Variants in EIF2AK2 observed in about 807,000 individuals in gnomAD.
EIF2AK2 encodes interferon-induced, double-stranded RNA-activated protein kinase.
A neutral mutation model predicts 70.5 loss-of-function variants in EIF2AK2; 40 were observed. The observed-to-expected ratio is 0.57, with a 90% CI of 0.44 to 0.74. The LOEUF is 0.74. Ranked by LOEUF, EIF2AK2 falls within the 30% of genes least tolerant of loss-of-function variation. The pLI, the probability that EIF2AK2 is intolerant of heterozygous loss-of-function variation, is 0.00. For synonymous variants in EIF2AK2, 198 were observed against 220.9 expected (o/e 0.90, Z 0.92); for missense variants, 555 against 644.3 (o/e 0.86, Z 1.50).
chr2:37,155,896 G>GTGC (rs780684673), intron 1 of EIF2AK2, among the ~76,000 whole-genome samples: 10 of 149,186 alleles, frequency 6.7e-5, no homozygotes, highest in Non-Finnish European at 1.0e-4. Flanking sequence ...AGCCCAGATC[G>GTGC]TGCCACTGCA....
Position 37,114,771 on chromosome 2 carries a change from G to A in EIF2AK2, c.1337C>T (p.Thr446Ile), listed in dbSNP as rs1474343134. The change falls in exon 14 of 17, where the codon ACA becomes ATA. Residue 446 changes from threonine to isoleucine, a missense_variant. By Grantham distance (89) the Thr-to-Ile change is moderately conservative. Around this residue, in one of 3 missense-constraint regions of EIF2AK2, gnomAD observed 299 missense variants for 375.4 expected, o/e 0.80. Transcript: ENST00000233057. ...GTATCGCAAAGTTCCCTTACTCCTT[G>A]TTCGCTTTCCATCATTTTTCAGAGA... ...VTSLKNDGKR[T>I]RSKGTLRYMS... The A allele has an allele frequency of 6.2e-7, 1 of 1,603,428 alleles. No individual in the cohort carries two copies. Among genetic ancestry groups the A allele is most frequent in the Non-Finnish European group, 8.5e-7 (1 of 1,175,184 alleles).
intron 4 of EIF2AK2, among the ~76,000 whole-genome samples, chr2:37,144,403 G>T (rs1243717985): frequency 6.6e-6 from 1 of 150,984 alleles, no homozygotes; most frequent in Non-Finnish European, 1.5e-5. Flanking sequence ...CCTCAGGCAG[G>T]TCCTTCGGTA....
intron 1 of EIF2AK2, among the ~76,000 whole-genome samples, chr2:37,153,396 A>G (rs920539663): frequency 3.0e-5 from 4 of 135,230 alleles, no homozygotes; most frequent in African/African-American, 1.1e-4. Flanking sequence ...GCTGGAGTGC[A>G]GTGGTGTGAT....
intron 9 of EIF2AK2, among the ~76,000 whole-genome samples, chr2:37,136,353 A>G (rs935911971): frequency 4.6e-5 from 7 of 152,168 alleles, no homozygotes; most frequent in African/African-American, 1.7e-4. Context: ...CCCTCAAGTC[A>G]TGTCCACTCT....
At chr2:37,140,982 A>C (rs561501543) in intron 5 of EIF2AK2, among the ~76,000 whole-genome samples, 13 of 152,114 alleles carry the variant, frequency 8.5e-5, no homozygotes, top group Non-Finnish European at 1.5e-4. Context: ...CTATTTCCAC[A>C]CATCTTAGCT....
intron 11 of EIF2AK2, among the ~76,000 whole-genome samples, chr2:37,124,824 C>T (rs959481376): frequency 6.6e-6 from 1 of 151,160 alleles, no homozygotes; most frequent in African/African-American, 2.4e-5. Flanking sequence ...ACCTACTGGG[C>T]TCAAATGGTC....
At chr2:37,137,153 G>A (rs1675156988) in intron 8 of EIF2AK2, 136 bp from the exon 9 acceptor site, 2 of 613,830 alleles carry the variant, frequency 3.3e-6, no homozygotes, top group East Asian at 3.2e-5. Flanking sequence ...CTCTCATCAA[G>A]CCCTGTATCA....
At chr2:37,131,589 T>A (rs1674940543) in intron 10 of EIF2AK2, among the ~76,000 whole-genome samples, 1 of 152,202 alleles carries the variant, frequency 6.6e-6, no homozygotes, top group Admixed American at 6.5e-5. Context: ...TACTCTTTTA[T>A]CTTCAACACT....
intron 12 of EIF2AK2, 42 bp from the exon 13 acceptor site, chr2:37,120,181 A>T: frequency 8.5e-7 from 1 of 1,181,084 alleles, no homozygotes; most frequent in Non-Finnish European, 1.1e-6. Context: ...AACAATAAAT[A>T]TAAATTTATA....
chr2:37,123,254 AT>A (rs1674618286), intron 11 of EIF2AK2, among the ~76,000 whole-genome samples: 1 of 152,040 alleles, frequency 6.6e-6, no homozygotes, highest in Non-Finnish European at 1.5e-5. Flanking sequence ...AATGCCAGTG[AT>A]GTCATTTTAA....
intron 15 of EIF2AK2, among the ~76,000 whole-genome samples, chr2:37,108,197 G>A (rs1674028548): frequency 6.7e-6 from 1 of 149,726 alleles, no homozygotes; most frequent in South Asian, 2.1e-4. Context: ...TGCCTTTAGT[G>A]ACTCCCCACT....
rs777019137 is a variant in EIF2AK2, at chr2:37,138,552, T to C, written c.550A>G (p.Thr184Ala). Residue 184 changes from threonine (T) to alanine (A), a missense_variant, in exon 7 of 17, where the codon ACT becomes GCT. This residue lies in a region of EIF2AK2 where 208 missense variants were observed against 191.8 expected (regional missense o/e 1.08). Coordinates refer to ENST00000233057, the MANE Select transcript of EIF2AK2 (RefSeq NM_001135651.3). The part of the protein sequence containing the change: ...SDYLSSGSFA[T>A]TCESQSNSLV... ...GAGTTGCTTTGGGACTCACACGTAG[T>C]AGCAAAAGAACCAGAGGACAGGTAG... The C allele has an allele frequency of 1.2e-6, 2 of 1,614,156 alleles. No individual in the cohort carries two copies. The highest frequency in any genetic ancestry group is 1.7e-5 in the Admixed American group (1 of 60,032).
intron 1 of EIF2AK2, among the ~76,000 whole-genome samples, chr2:37,155,404 CCAGGACTTGT>C: frequency 6.6e-6 from 1 of 152,310 alleles, no homozygotes; most frequent in South Asian, 2.1e-4. Context: ...GATACCCCAT[CCAGGACTTGT>C]CACCTGCTTT....
intron 6 of EIF2AK2, among the ~76,000 whole-genome samples, chr2:37,138,814 C>T (rs573131083): frequency 2.6e-5 from 4 of 151,946 alleles, no homozygotes; most frequent in African/African-American, 7.3e-5. Context: ...TCTTTCTTTT[C>T]AGACAGGATC....
rs141215244 is a variant in EIF2AK2 at position 37,119,670 on chromosome 2, C to T, written c.1248+289G>A. On this transcript the variant is annotated intron_variant, in intron 13 of 16. Coordinates refer to ENST00000233057, the MANE Select transcript of EIF2AK2 (RefSeq NM_001135651.3). ...GCAGTGGCACAATCTTGGCTCACTGCAACCTCCACCTCCCAGGTTCAAGCG... is the reference window on the plus strand; with the variant it reads ...GCAGTGGCACAATCTTGGCTCACTGTAACCTCCACCTCCCAGGTTCAAGCG... Among the ~76,000 whole-genome samples the T allele has an allele frequency of 2.6e-3, 389 of 151,508 alleles. 3 individuals carry two copies. The highest frequency in any genetic ancestry group is 0.02 in the Admixed American group (310 of 15,236).
chr2:37,135,918 C>A (rs1470425570), intron 9 of EIF2AK2, among the ~76,000 whole-genome samples: 1 of 152,250 alleles, frequency 6.6e-6, no homozygotes, highest in Non-Finnish European at 1.5e-5. Flanking sequence ...CAGGCGCAAG[C>A]CACAGCACCC....
intron 1 of EIF2AK2, among the ~76,000 whole-genome samples, chr2:37,156,296 G>T (rs1675921713): frequency 6.6e-6 from 1 of 152,174 alleles, no homozygotes; most frequent in African/African-American, 2.4e-5. Flanking sequence ...ATGTTTATAG[G>T]ATTCTGATGA....
intron 15 of EIF2AK2, 85 bp downstream of exon 15, chr2:37,109,109 G>T: frequency 1.7e-6 from 2 of 1,189,980 alleles, no homozygotes; most frequent in Non-Finnish European, 2.4e-6. Context: ...ATCCTCACGT[G>T]AGGGCAAGAA....
intron 10 of EIF2AK2, 68 bp from the exon 11 acceptor site, chr2:37,126,479 C>T: frequency 6.5e-7 from 1 of 1,547,760 alleles, no homozygotes; most frequent in Admixed American, 2.2e-5. Context: ...CCTCCCCACT[C>T]CTTTCCCTTT....
Sources: allele counts gnomAD v4.1 joint callset (sites outside exome capture counted in the v4.1 genomes callset), GRCh38; gene constraint gnomAD v4.1.1; regional missense constraint gnomAD v4.1.1; transcripts MANE v1.5; gene names NCBI Gene and HGNC (gene_info 2026-07-23, HGNC 2026-07-21).